OPCML: variants seen among roughly 807,000 people sequenced by gnomAD.
The protein encoded by OPCML is opioid binding protein/cell adhesion molecule like, also known as opioid-binding protein/cell adhesion molecule.
Under a neutral mutation model 37.8 loss-of-function variants are expected in OPCML, and 13 were observed. That is an observed-to-expected ratio of 0.34 (90% CI 0.22 to 0.55). The LOEUF is 0.55. OPCML is among the 20% of genes least tolerant of loss of function. The pLI is 0.91. For synonymous variants in OPCML, 176 were observed against 168.8 expected (o/e 1.04, Z -0.33); for missense variants, 341 against 435.6 (o/e 0.78, Z 1.93).
At chr11:133,481,963 G>A (rs140724857) in intron 1 of OPCML, among the ~76,000 whole-genome samples, 3 of 152,272 alleles carry the variant, frequency 2.0e-5, no homozygotes, top group East Asian at 1.9e-4. Context: ...AATGGGCTTC[G>A]AGTGTCATGA....
intron 2 of OPCML, among the ~76,000 whole-genome samples, chr11:132,852,599 G>C (rs575574481): frequency 6.6e-6 from 1 of 151,192 alleles, no homozygotes; most frequent in Non-Finnish European, 1.5e-5. Flanking sequence ...CACCACGCCT[G>C]CGCACAAAGG....
chr11:132,508,629 C>T (rs2096262522), intron 4 of OPCML, among the ~76,000 whole-genome samples: 1 of 152,096 alleles, frequency 6.6e-6, no homozygotes, highest in South Asian at 2.1e-4. Context: ...CTTTCCCATG[C>T]TATTCTCGTG....
At chr11:133,001,237 C>T (rs528241858) in intron 1 of OPCML, among the ~76,000 whole-genome samples, 4 of 152,030 alleles carry the variant, frequency 2.6e-5, no homozygotes, top group Middle Eastern at 3.4e-3. Context: ...GGTTGGAGTC[C>T]CTATTTCAAA....
intron 1 of OPCML, among the ~76,000 whole-genome samples, chr11:133,088,869 C>T (rs1948859458): frequency 6.6e-6 from 1 of 152,198 alleles, no homozygotes; most frequent in Non-Finnish European, 1.5e-5. Context: ...CATATTCTAA[C>T]ACATTAAGCA....
chr11:132,471,603 G>A (rs1446434642), intron 4 of OPCML, among the ~76,000 whole-genome samples: 3 of 152,164 alleles, frequency 2.0e-5, no homozygotes, highest in Non-Finnish European at 4.4e-5. Context: ...TGTCTCCAGA[G>A]GGCTGCCTAA....
chr11:133,474,825 T>C (rs1420541071), intron 1 of OPCML, among the ~76,000 whole-genome samples: 12 of 152,182 alleles, frequency 7.9e-5, no homozygotes, highest in Non-Finnish European at 5.9e-5. Flanking sequence ...GTGGGGAGTC[T>C]CGGATGTGCT....
intron 2 of OPCML, among the ~76,000 whole-genome samples, chr11:132,814,706 G>C (rs1360135574): frequency 1.3e-5 from 2 of 152,154 alleles, no homozygotes; most frequent in African/African-American, 4.8e-5. Flanking sequence ...ACCCAGTCAC[G>C]TTGACATGTA....
intron 1 of OPCML, among the ~76,000 whole-genome samples, chr11:133,362,910 G>C (rs1390260786): frequency 1.3e-5 from 2 of 152,186 alleles, no homozygotes; most frequent in Non-Finnish European, 2.9e-5. Flanking sequence ...GTCTGCAATA[G>C]CTCTGTGCCC....
At chr11:132,993,591 C>G (rs546161129) in intron 1 of OPCML, among the ~76,000 whole-genome samples, 2 of 152,098 alleles carry the variant, frequency 1.3e-5, no homozygotes, top group Non-Finnish European at 2.9e-5. Context: ...TGCGCTGCCC[C>G]GCTCCCTACT....
At chr11:132,945,330 A>G (rs1424510183) in intron 1 of OPCML, among the ~76,000 whole-genome samples, 2 of 152,262 alleles carry the variant, frequency 1.3e-5, no homozygotes, top group Non-Finnish European at 2.9e-5. Context: ...GCAAGCCTGT[A>G]CAGCATGCTA....
At chr11:133,213,085 C>T (rs1041881564) in intron 1 of OPCML, among the ~76,000 whole-genome samples, 1 of 152,182 alleles carries the variant, frequency 6.6e-6, no homozygotes, top group Non-Finnish European at 1.5e-5. Context: ...TAGAGCAACA[C>T]CATGGACTTT....
intron 2 of OPCML, among the ~76,000 whole-genome samples, chr11:132,844,883 T>A (rs1215766407): frequency 6.6e-6 from 1 of 150,462 alleles, no homozygotes; most frequent in African/African-American, 2.5e-5. Flanking sequence ...AGTGAACCTA[T>A]ATACTTGGTT....
intron 1 of OPCML, among the ~76,000 whole-genome samples, chr11:133,528,341 C>T (rs545306103): frequency 2.6e-5 from 4 of 152,348 alleles, no homozygotes; most frequent in Admixed American, 2.0e-4. Context: ...GGCGTGAATC[C>T]ATGATGGGCT....
Position 133,328,446 on chromosome 11 carries a change from C to T in OPCML, c.61+203818G>A, listed in dbSNP as rs528953860. Among the ~76,000 whole-genome samples, 8 of 152,330 alleles carry T rather than the reference C, an allele frequency of 5.3e-5. No individual in the cohort carries two copies. The East Asian group carries it at 1.5e-3, about 29-fold the overall frequency. ...GGGCTGGGATTACAGGCATGAGCCA[C>T]TGTGCCCAGCCTTAAAGATTAATTG... On this transcript the variant is annotated intron_variant, in intron 1 of 7. Transcript: ENST00000524381.
At chr11:133,161,699 G>A (rs1268584104) in intron 1 of OPCML, among the ~76,000 whole-genome samples, 1 of 152,098 alleles carries the variant, frequency 6.6e-6, no homozygotes, top group Non-Finnish European at 1.5e-5. Context: ...ATTAACTGAG[G>A]AAATGTATGT....
At chr11:132,980,970 T>C (rs913510607) in intron 1 of OPCML, among the ~76,000 whole-genome samples, 7 of 152,206 alleles carry the variant, frequency 4.6e-5, no homozygotes, top group African/African-American at 1.4e-4. Flanking sequence ...CACAAACCTA[T>C]AGGCTATAAA....
At chr11:132,985,519 C>T (rs1416550459) in intron 1 of OPCML, among the ~76,000 whole-genome samples, 2 of 152,208 alleles carry the variant, frequency 1.3e-5, no homozygotes, top group African/African-American at 4.8e-5. Context: ...AGCACAGTCA[C>T]CTCACACCTC....
At chr11:133,381,191 C>G (rs1293024960) in intron 1 of OPCML, among the ~76,000 whole-genome samples, 1 of 152,122 alleles carries the variant, frequency 6.6e-6, no homozygotes, top group African/African-American at 2.4e-5. Flanking sequence ...AGGAGGTAGG[C>G]ACTGGAAGAC....
chr11:133,202,375 T>A (rs1048427481), intron 1 of OPCML, among the ~76,000 whole-genome samples: 2 of 152,232 alleles, frequency 1.3e-5, no homozygotes, highest in Non-Finnish European at 2.9e-5. Flanking sequence ...CTTTCAACCT[T>A]TGTAAAACAA....
Sources: allele counts gnomAD v4.1 joint callset (sites outside exome capture counted in the v4.1 genomes callset), GRCh38; gene constraint gnomAD v4.1.1; transcripts MANE v1.5; gene names NCBI Gene and HGNC (gene_info 2026-07-23, HGNC 2026-07-21).